ARID1B: variants seen among roughly 807,000 people sequenced by gnomAD.
ARID1B encodes the protein AT-rich interactive domain-containing protein 1B.
ARID1B carries 30 observed loss-of-function variants against 212.3 expected under a neutral mutation model. The ratio of observed to expected loss-of-function variants is 0.14; its 90% CI spans 0.11 to 0.19. The LOEUF is 0.19. Ranked by LOEUF, ARID1B falls within the 10% of genes least tolerant of loss-of-function variation. The probability of loss-of-function intolerance (pLI) is 1.00; values close to 1 mark genes in which losing one functional copy is unlikely to be tolerated. For missense variants in ARID1B, 2,891 were observed against 3,204.0 expected, an observed-to-expected ratio of 0.90 and a Z score of 2.36; for synonymous variants, 1,402 against 1,301.7, an observed-to-expected ratio of 1.08 and a Z score of -1.66.
At chr6:156,930,554 A>G (rs1338304918) in intron 3 of ARID1B, among the ~76,000 whole-genome samples, 1 of 152,230 alleles carries the variant, frequency 6.6e-6, no homozygotes, top group East Asian at 1.9e-4. Context: ...ACTTGTAAAG[A>G]TTGATGCTAC....
intron 4 of ARID1B, among the ~76,000 whole-genome samples, chr6:156,947,909 G>T (rs534500227): frequency 6.6e-6 from 1 of 152,106 alleles, no homozygotes; most frequent in African/African-American, 2.4e-5. Context: ...ATTTGATTTG[G>T]ATTATTTTTG....
chr6:156,897,205 TGCTGCTGCTG>T (rs1562468075), intron 2 of ARID1B, among the ~76,000 whole-genome samples: 3 of 80,212 alleles, frequency 3.7e-5, no homozygotes, highest in African/African-American at 1.4e-4. Flanking sequence ...CTGCTGCTGC[TGCTGCTGCTG>T]CTGCTTCTTC....
chr6:156,904,210 G>A (rs1789176791), intron 3 of ARID1B, among the ~76,000 whole-genome samples: 2 of 152,026 alleles, frequency 1.3e-5, no homozygotes, highest in Non-Finnish European at 2.9e-5. Context: ...ACAAATGATG[G>A]TGTATATAGT....
intron 5 of ARID1B, among the ~76,000 whole-genome samples, chr6:157,091,346 G>A (rs1455126578): frequency 6.6e-6 from 1 of 152,182 alleles, no homozygotes; most frequent in Non-Finnish European, 1.5e-5. Context: ...GGTGTATTTA[G>A]AGCTCTTCTG....
At chr6:157,173,866 C>T in intron 9 of ARID1B, 142 bp from the exon 10 acceptor site, 1 of 645,054 alleles carries the variant, frequency 1.6e-6, no homozygotes, top group Non-Finnish European at 2.6e-6. Flanking sequence ...TTAATATGCT[C>T]CCCATTACAA....
At chr6:157,117,899 C>T (rs1429491551) in intron 6 of ARID1B, among the ~76,000 whole-genome samples, 1 of 152,180 alleles carries the variant, frequency 6.6e-6, no homozygotes, top group African/African-American at 2.4e-5. Context: ...CATGACTGCA[C>T]AGCTGTACTT....
intron 2 of ARID1B, among the ~76,000 whole-genome samples, chr6:156,892,408 A>T (rs1194309270): frequency 1.3e-5 from 2 of 151,218 alleles, no homozygotes. Context: ...ATAAAACAAA[A>T]TTTACATCTA....
chr6:156,821,131 G>A (rs1419627001), intron 1 of ARID1B, among the ~76,000 whole-genome samples: 4 of 152,158 alleles, frequency 2.6e-5, no homozygotes, highest in Non-Finnish European at 5.9e-5. Context: ...ACCTCATCCT[G>A]GTAGAATGGT....
intron 5 of ARID1B, among the ~76,000 whole-genome samples, chr6:157,099,004 C>T (rs975982557): frequency 7.9e-5 from 12 of 152,166 alleles, no homozygotes; most frequent in African/African-American, 2.4e-4. Context: ...CGCTCTGTCA[C>T]CCAGGCTGGG....
chr6:156,881,452 T>C (rs1194170918), intron 2 of ARID1B, among the ~76,000 whole-genome samples: 1 of 152,268 alleles, frequency 6.6e-6, no homozygotes, highest in Non-Finnish European at 1.5e-5. Flanking sequence ...GTATACAATG[T>C]ATGCACACAT....
chr6:156,903,837 A>G (rs1039171837), intron 3 of ARID1B, among the ~76,000 whole-genome samples: 2 of 152,192 alleles, frequency 1.3e-5, no homozygotes, highest in African/African-American at 2.4e-5. Flanking sequence ...AATGTGGTTT[A>G]TGTAATCTCT....
In ARID1B at chr6:156,880,024, T is replaced by A. The variant is rs534861895; in HGVS notation, c.1987-21352T>A. ...TTCCAAAGGCTGTTCCAGTAGGGGC[T>A]GTGGGCTTCTGGGAGCCCAGATGCC... On this transcript the variant is annotated intron_variant, in intron 2 of 19. Transcript: ENST00000636930. Among the ~76,000 whole-genome samples, 9 of 152,344 alleles carry A rather than the reference T, an allele frequency of 5.9e-5. No individual in the cohort carries two copies. The East Asian group carries it at 1.7e-3, about 29-fold the overall frequency.
intron 1 of ARID1B, among the ~76,000 whole-genome samples, chr6:156,793,032 G>A (rs910480931): frequency 1.3e-5 from 2 of 152,120 alleles, no homozygotes; most frequent in East Asian, 1.9e-4. Context: ...ACTGCAGTTC[G>A]CATGGCAGGC....
chr6:157,106,794 G>A (rs1210292099), intron 5 of ARID1B, among the ~76,000 whole-genome samples: 2 of 152,148 alleles, frequency 1.3e-5, no homozygotes, highest in African/African-American at 2.4e-5. Flanking sequence ...CACAGTGAGT[G>A]AAGAGAAATA....
chr6:156,821,354 C>T (rs546041192), intron 1 of ARID1B, among the ~76,000 whole-genome samples: 42 of 152,210 alleles, frequency 2.8e-4, no homozygotes, highest in Middle Eastern at 3.4e-3. Flanking sequence ...CCACTCCCCC[C>T]ACAATACCTT....
rs1779118895 is a variant in ARID1B at position 157,004,890 on chromosome 6, C to CTTTTTTGTTTTTTTTTTTTTT, written c.2247+69320_2247+69321insGTTTTTTTTTTTTTTTTTTTT. 1.7e-4 allele frequency among the ~76,000 whole-genome samples: 6 copies of CTTTTTTGTTTTTTTTTTTTTT among 35,692 alleles called. 2 individuals are homozygous for CTTTTTTGTTTTTTTTTTTTTT. The highest frequency in any genetic ancestry group is 1.4e-4 in the Non-Finnish European group (2 of 13,820). 23.4% of individuals were successfully genotyped at this position (35,692 alleles called of 152,430 possible). On this transcript the variant is annotated intron_variant, in intron 4 of 19. Transcript: ENST00000636930. ...GCATTTCTTTTTTCTTTTTCTTCTT[C>CTTTTTTGTTTTTTTTTTTTTT]TTTTTTCTTTTTTTTTTTTTTTTTT...
At chr6:156,870,557 G>A (rs980038480) in intron 2 of ARID1B, 1 of 152,178 alleles carries the variant, frequency 6.6e-6, no homozygotes, top group African/African-American at 2.4e-5. Context: ...TGTATCTATA[G>A]TTTAAAAGAT....
At chr6:156,945,883 C>T (rs530034808) in intron 4 of ARID1B, among the ~76,000 whole-genome samples, 1 of 151,804 alleles carries the variant, frequency 6.6e-6, no homozygotes, top group South Asian at 2.1e-4. Flanking sequence ...TAGGGCATGC[C>T]TGTGGTCTGA....
chr6:156,960,528 A>G (rs529233146), intron 4 of ARID1B, among the ~76,000 whole-genome samples: 1 of 152,242 alleles, frequency 6.6e-6, no homozygotes, highest in Admixed American at 6.5e-5. Flanking sequence ...ATTTTTCTTT[A>G]TGTATTTATT....
Sources: allele counts gnomAD v4.1 joint callset (sites outside exome capture counted in the v4.1 genomes callset), GRCh38; gene constraint gnomAD v4.1.1; transcripts MANE v1.5; gene names NCBI Gene and HGNC (gene_info 2026-07-23, HGNC 2026-07-21).